Variants in MMP26 observed in about 807,000 individuals in gnomAD.
The protein encoded by MMP26 is matrix metalloproteinase-26.
In MMP26, 33 loss-of-function variants were observed where a neutral mutation model predicts 31.0. That is an observed-to-expected ratio of 1.06 (90% CI 0.81 to 1.42). The LOEUF (loss-of-function observed/expected upper bound fraction) is 1.42, where lower values mean the gene tolerates loss of function less well. Among genes scored for constraint, MMP26 ranks in the 40% most tolerant of loss-of-function variants. The probability of loss-of-function intolerance (pLI) is 0.00; values close to 1 mark genes in which losing one functional copy is unlikely to be tolerated. For missense variants in MMP26, 347 were observed against 316.1 expected (o/e 1.10, Z -0.74); for synonymous variants, 122 against 114.9 (o/e 1.06, Z -0.40).
chr11:4,740,868 A>G lies in MMP26; in HGVS notation c.-216-26402A>G, dbSNP rs374046309. On this transcript the variant is annotated intron_variant, in intron 1 of 7. Transcript: ENST00000380390. Reference sequence around the variant, plus strand: ...CACAGAATGACATTAATTTTATTACATGATATTCCAGTGGCCTAAAAGCAT... The same window carrying G: ...CACAGAATGACATTAATTTTATTACGTGATATTCCAGTGGCCTAAAAGCAT... Among the ~76,000 whole-genome samples the G allele has an allele frequency of 4.5e-3, 685 of 152,242 alleles. 7 individuals carry two copies. Among genetic ancestry groups the G allele is most frequent in the African/African-American group, 0.015 (636 of 41,534 alleles).
At chr11:4,738,674 T>A (rs1035544018) in intron 1 of MMP26, among the ~76,000 whole-genome samples, 2 of 152,170 alleles carry the variant, frequency 1.3e-5, no homozygotes, top group African/African-American at 4.8e-5. Flanking sequence ...ATTACAGAAA[T>A]AAATAGCCTT....
chr11:4,781,590 A>C (rs1269217016), intron 2 of MMP26, among the ~76,000 whole-genome samples: 1 of 63,332 alleles, frequency 1.6e-5, no homozygotes, highest in Non-Finnish European at 3.0e-5. Context: ...AAAAAAAAAA[A>C]AAAAAAAAAA....
chr11:4,968,225 T>C, intron 2 of MMP26, among the ~76,000 whole-genome samples: 1 of 152,138 alleles, frequency 6.6e-6, no homozygotes, highest in East Asian at 1.9e-4. Flanking sequence ...CTATTAACTT[T>C]ATATGATTGC....
In MMP26 at chr11:4,802,492, A is replaced by G. The variant is rs1024535277; in HGVS notation, c.-145+35151A>G. Among the ~76,000 whole-genome samples, 8 of 152,168 alleles carry G rather than the reference A, an allele frequency of 5.3e-5. 1 individual carries two copies. The highest frequency in any genetic ancestry group is 1.9e-4 in the African/African-American group (8 of 41,448). On this transcript the variant is annotated intron_variant, in intron 2 of 7. Transcript: ENST00000380390. ...GATAAAAGAAGTCCTTGGGACTGAG[A>G]GGTATGGTATTGTATTCAATTTTGG...
chr11:4,718,100 G>A (rs1847960474), intron 1 of MMP26, among the ~76,000 whole-genome samples: 1 of 152,126 alleles, frequency 6.6e-6, no homozygotes, highest in Non-Finnish European at 1.5e-5. Flanking sequence ...CAGATAGTAG[G>A]GGATCAACAA....
In MMP26 at chr11:4,867,476, C is replaced by T. The variant is rs576787987; in HGVS notation, c.-145+100135C>T. On this transcript the variant is annotated intron_variant, in intron 2 of 7. Transcript: ENST00000380390. Reference sequence around the variant, plus strand: ...TGCAATCTGGGCTCACTGCAACCTCCACCTCCCAGGTTCAAGCAATTCTCC... The same window carrying T: ...TGCAATCTGGGCTCACTGCAACCTCTACCTCCCAGGTTCAAGCAATTCTCC... Among the ~76,000 whole-genome samples the T allele has an allele frequency of 2.7e-5, 4 of 150,558 alleles. No homozygotes were observed. The South Asian group carries it at 6.3e-4, about 24-fold the overall frequency.
At chr11:4,723,075 G>A in intron 1 of MMP26, 1 of 1,288,938 alleles carries the variant, frequency 7.8e-7, no homozygotes. Context: ...TACCCATGCA[G>A]CTGTCACGGC....
intron 2 of MMP26, among the ~76,000 whole-genome samples, chr11:4,847,160 A>C (rs561645264): frequency 6.6e-6 from 1 of 152,322 alleles, no homozygotes; most frequent in South Asian, 2.1e-4. Context: ...ATCCACTAAC[A>C]TCCTATTGAC....
intron 1 of MMP26, among the ~76,000 whole-genome samples, chr11:4,717,030 T>A (rs1004496310): frequency 6.6e-6 from 1 of 152,216 alleles, no homozygotes; most frequent in Non-Finnish European, 1.5e-5. Flanking sequence ...TTCTAAAATA[T>A]CTGAAACCCC....
chr11:4,737,808 T>A (rs1001177324), intron 1 of MMP26, among the ~76,000 whole-genome samples: 1 of 152,222 alleles, frequency 6.6e-6, no homozygotes, highest in African/African-American at 2.4e-5. Context: ...GAATTCAAAG[T>A]GGTATTCATT....
chr11:4,923,400 A>T (rs1589940249), intron 2 of MMP26: 4 of 1,564,946 alleles, frequency 2.6e-6, no homozygotes, highest in Non-Finnish European at 3.5e-6. Context: ...CACCTAAGTG[A>T]CTTTATAAAC....
intron 2 of MMP26, among the ~76,000 whole-genome samples, chr11:4,922,659 T>C (rs183314376): frequency 6.6e-6 from 1 of 152,324 alleles, no homozygotes; most frequent in Admixed American, 6.5e-5. Context: ...TAATTTTCTT[T>C]TACATTTTTA....
At chr11:4,976,777 A>G (rs1279055936) in intron 2 of MMP26, among the ~76,000 whole-genome samples, 1 of 152,062 alleles carries the variant, frequency 6.6e-6, no homozygotes, top group African/African-American at 2.4e-5. Context: ...CTGCATGTAA[A>G]TTAGCCATTG....
chr11:4,949,604 A>T lies in MMP26; in HGVS notation c.-144-38464A>T. 7.3e-5 allele frequency among the ~76,000 whole-genome samples: 9 copies of T among 122,968 alleles called. 3 individuals carry two copies. Among genetic ancestry groups the T allele is most frequent in the Non-Finnish European group, 1.7e-4 (9 of 54,336 alleles). The allele number at this position is 122,968 out of a possible 152,430, so 80.7% of individuals were successfully genotyped here. ...TATAGGTTAAATTTATTTATTAGGAAATAAGAGTTGAAAAATCAAAAAATG... is the reference window on the plus strand; with the variant it reads ...TATAGGTTAAATTTATTTATTAGGATATAAGAGTTGAAAAATCAAAAAATG... On this transcript the variant is annotated intron_variant, in intron 2 of 7. Coordinates refer to ENST00000380390, the MANE Select transcript of MMP26 (RefSeq NM_021801.5).
chr11:4,833,615 A>T (rs1039398308), intron 2 of MMP26, among the ~76,000 whole-genome samples: 1 of 152,326 alleles, frequency 6.6e-6, no homozygotes, highest in East Asian at 1.9e-4. Flanking sequence ...GCAGAATCTC[A>T]TGTCCTGCTG....
chr11:4,795,444 G>A (rs1367291459), intron 2 of MMP26, among the ~76,000 whole-genome samples: 1 of 152,188 alleles, frequency 6.6e-6, no homozygotes, highest in African/African-American at 2.4e-5. Context: ...TGAGGGCCAA[G>A]TGATTAGAAA....
chr11:4,768,796 A>G (rs1340265453), intron 2 of MMP26, among the ~76,000 whole-genome samples: 1 of 152,204 alleles, frequency 6.6e-6, no homozygotes, highest in African/African-American at 2.4e-5. Flanking sequence ...ATTCCACTAC[A>G]AATGTCTTGG....
chr11:4,924,350 T>A, intron 2 of MMP26: 1 of 1,575,876 alleles, frequency 6.3e-7, no homozygotes. Flanking sequence ...AGCTTTACAA[T>A]CTTGGACTCA....
At chr11:4,732,808 A>G (rs370430445) in intron 1 of MMP26, among the ~76,000 whole-genome samples, 2 of 152,222 alleles carry the variant, frequency 1.3e-5, no homozygotes, top group East Asian at 3.8e-4. Flanking sequence ...AGTCCTTTTT[A>G]TAGCTGAATA....
Sources: gnomAD v4.1 joint callset for allele counts (sites outside exome capture counted in the v4.1 genomes callset) on GRCh38, gnomAD v4.1.1 for gene constraint, MANE v1.5 for transcripts, NCBI Gene and HGNC (gene_info 2026-07-23, HGNC 2026-07-21) for gene names.